Variants in DLG2 observed in about 807,000 individuals in gnomAD.
DLG2 encodes disks large homolog 2.
Under a neutral mutation model 132.5 loss-of-function variants are expected in DLG2, and 45 were observed. The ratio of observed to expected loss-of-function variants is 0.34; its 90% confidence interval spans 0.27 to 0.44. DLG2 has a LOEUF of 0.44. DLG2 is among the 20% of genes least tolerant of loss of function. DLG2 has a pLI of 1.00. For synonymous variants in DLG2, 424 were observed against 419.6 expected (o/e 1.01, Z -0.13); for missense variants, 1,045 against 1,196.9 (o/e 0.87, Z 1.87).
At chr11:85,310,242 C>A (rs2080228561) in intron 3 of DLG2, among the ~76,000 whole-genome samples, 1 of 152,158 alleles carries the variant, frequency 6.6e-6, no homozygotes, top group South Asian at 2.1e-4. Flanking sequence ...TTGTCTAATT[C>A]TTTGCTCAGC....
chr11:83,761,507 T>C (rs893040227), intron 18 of DLG2, among the ~76,000 whole-genome samples: 1 of 152,248 alleles, frequency 6.6e-6, no homozygotes, highest in Admixed American at 6.5e-5. Context: ...AAATGCACCC[T>C]GTTCATTCTT....
chr11:84,913,548 G>C (rs1174909801), intron 6 of DLG2, among the ~76,000 whole-genome samples: 2 of 152,062 alleles, frequency 1.3e-5, no homozygotes, highest in Non-Finnish European at 2.9e-5. Context: ...ACTTTAAAAA[G>C]AAGCCTATGA....
chr11:83,502,032 A>G (rs1216561275), intron 21 of DLG2, among the ~76,000 whole-genome samples: 1 of 152,236 alleles, frequency 6.6e-6, no homozygotes, highest in East Asian at 1.9e-4. Flanking sequence ...AACCAAATAG[A>G]TAAAAAGTAC....
chr11:84,284,210 G>A (rs933686853), intron 7 of DLG2, among the ~76,000 whole-genome samples: 1 of 152,132 alleles, frequency 6.6e-6, no homozygotes, highest in Non-Finnish European at 1.5e-5. Context: ...ATCCAGCCTG[G>A]GCAACAAGAG....
At chr11:85,142,041 G>A (rs1300962296) in intron 5 of DLG2, among the ~76,000 whole-genome samples, 2 of 151,600 alleles carry the variant, frequency 1.3e-5, no homozygotes, top group Non-Finnish European at 1.5e-5. Flanking sequence ...GGCTATCCTG[G>A]GTCTATACTG....
chr11:84,254,657 A>C (rs1428934064), intron 7 of DLG2, among the ~76,000 whole-genome samples: 1 of 151,378 alleles, frequency 6.6e-6, no homozygotes, highest in Non-Finnish European at 1.5e-5. Context: ...AGTTACTATT[A>C]CTTAACTAAA....
chr11:84,886,494 T>C (rs768094027), intron 6 of DLG2, among the ~76,000 whole-genome samples: 1 of 152,120 alleles, frequency 6.6e-6, no homozygotes, highest in Non-Finnish European at 1.5e-5. Context: ...AAGAAATGAC[T>C]ATGCTTACCC....
intron 6 of DLG2, among the ~76,000 whole-genome samples, chr11:84,816,506 T>C (rs2077098478): frequency 6.6e-6 from 1 of 151,996 alleles, no homozygotes; most frequent in Non-Finnish European, 1.5e-5. Context: ...CTAACATTTT[T>C]TGATTCATAG....
intron 18 of DLG2, among the ~76,000 whole-genome samples, chr11:83,759,291 G>A (rs537267859): frequency 6.6e-6 from 1 of 152,298 alleles, no homozygotes; most frequent in East Asian, 1.9e-4. Context: ...AGGTGAGACA[G>A]GGATAGCCGA....
Position 83,459,605 on chromosome 11 carries a change from C to G in DLG2, c.*213G>C. Reference sequence around the variant, plus strand: ...CCTGGCACTTTGAGCAAACCAAAGCCTTCCTTCATACTGCAATGTCTTTTC... The same window carrying G: ...CCTGGCACTTTGAGCAAACCAAAGCGTTCCTTCATACTGCAATGTCTTTTC... On this transcript the variant is annotated 3_prime_UTR_variant, in exon 28 of 28. Coordinates refer to ENST00000376104, the MANE Select transcript of DLG2 (RefSeq NM_001142699.3). 1 of 444,068 alleles carries G rather than the reference C, an allele frequency of 2.3e-6. No individual in the cohort carries two copies. Among genetic ancestry groups the G allele is most frequent in the South Asian group, 3.4e-5 (1 of 29,242 alleles). 27.5% of individuals were successfully genotyped at this position (444,068 alleles called of 1,614,324 possible). A position where few individuals can be genotyped will look rare whatever the true frequency, so the allele number is the denominator to read the frequency against.
At chr11:83,518,473 T>G (rs1016619214) in intron 21 of DLG2, among the ~76,000 whole-genome samples, 1 of 152,076 alleles carries the variant, frequency 6.6e-6, no homozygotes, top group Non-Finnish European at 1.5e-5. Flanking sequence ...GCTTCCCGGG[T>G]GAGGCAATGC....
intron 9 of DLG2, among the ~76,000 whole-genome samples, chr11:84,124,706 C>T (rs958620756): frequency 1.3e-5 from 2 of 152,104 alleles, no homozygotes; most frequent in Non-Finnish European, 2.9e-5. Flanking sequence ...TTTGATCTCT[C>T]ATGGATATCT....
chr11:83,482,622 T>C (rs2093211450), intron 22 of DLG2, among the ~76,000 whole-genome samples: 2 of 152,088 alleles, frequency 1.3e-5, no homozygotes, highest in South Asian at 4.1e-4. Context: ...GATAGGCATA[T>C]TATTACATAT....
intron 6 of DLG2, among the ~76,000 whole-genome samples, chr11:84,869,808 G>A (rs2085188768): frequency 6.6e-6 from 1 of 152,180 alleles, no homozygotes; most frequent in East Asian, 1.9e-4. Flanking sequence ...GCAGTGGTTG[G>A]TAATAAACCT....
At chr11:84,881,880 G>T (rs1159794369) in intron 6 of DLG2, among the ~76,000 whole-genome samples, 1 of 152,104 alleles carries the variant, frequency 6.6e-6, no homozygotes, top group Non-Finnish European at 1.5e-5. Context: ...AACTAGGTTA[G>T]CCCCAAATGC....
intron 8 of DLG2, among the ~76,000 whole-genome samples, chr11:84,215,254 C>T (rs548148873): frequency 2.0e-5 from 3 of 152,232 alleles, no homozygotes; most frequent in East Asian, 3.9e-4. Context: ...AAACTTCCAC[C>T]TGATCATAGT....
At chr11:84,899,509 C>T (rs2090621273) in intron 6 of DLG2, among the ~76,000 whole-genome samples, 1 of 152,072 alleles carries the variant, frequency 6.6e-6, no homozygotes, top group African/African-American at 2.4e-5. Flanking sequence ...CATCCAAAAA[C>T]ACGTAACATT....
chr11:84,107,695 T>C (rs1198622100), intron 9 of DLG2, among the ~76,000 whole-genome samples: 1 of 152,070 alleles, frequency 6.6e-6, no homozygotes, highest in Non-Finnish European at 1.5e-5. Flanking sequence ...AGTTATAGTA[T>C]TATTTTAAGG....
intron 6 of DLG2, among the ~76,000 whole-genome samples, chr11:85,089,029 T>C (rs780081551): frequency 6.6e-6 from 1 of 152,232 alleles, no homozygotes; most frequent in Non-Finnish European, 1.5e-5. Context: ...TTATAAACTA[T>C]GCTGTGAGTG....
Sources: allele counts gnomAD v4.1 joint callset (sites outside exome capture counted in the v4.1 genomes callset), GRCh38; gene constraint gnomAD v4.1.1; transcripts MANE v1.5; gene names NCBI Gene and HGNC (gene_info 2026-07-23, HGNC 2026-07-21).